DYRK1A: variants seen among roughly 807,000 people sequenced by gnomAD.
DYRK1A encodes the protein dual specificity tyrosine phosphorylation regulated kinase 1A.
A neutral mutation model predicts 79.7 loss-of-function variants in DYRK1A; 9 were observed. The ratio of observed to expected loss-of-function variants is 0.11; its 90% CI spans 0.07 to 0.20. The LOEUF is 0.20. DYRK1A is among the 10% of genes least tolerant of loss of function. The pLI is 1.00. For missense variants in DYRK1A, 622 were observed against 956.0 expected (o/e 0.65, Z 4.61); for synonymous variants, 349 against 329.7 (o/e 1.06, Z -0.63).
intron 2 of DYRK1A, among the ~76,000 whole-genome samples, chr21:37,444,215 G>A (rs1251856452): frequency 6.6e-6 from 1 of 152,202 alleles, no homozygotes; most frequent in Non-Finnish European, 1.5e-5. Context: ...AAGACCTGGA[G>A]AGGATTTGTC....
Position 37,469,143 on chromosome 21 carries a change from G to A in DYRK1A, c.11-3541G>A, listed in dbSNP as rs115455966. 2.1e-3 allele frequency among the ~76,000 whole-genome samples: 322 copies of A among 152,312 alleles called. 1 individual carries two copies. The highest frequency in any genetic ancestry group is 7.4e-3 in the African/African-American group (306 of 41,566). On this transcript the variant is annotated intron_variant, in intron 2 of 11. Transcript: ENST00000647188. ...CACAAATACACTTAGCATAATGGCT[G>A]AAATTAGACTGATGATTGCATGCCA... is the stretch of plus-strand genomic sequence containing the variant.
intron 4 of DYRK1A, among the ~76,000 whole-genome samples, chr21:37,480,335 T>C (rs1193996826): frequency 6.6e-6 from 1 of 152,186 alleles, no homozygotes; most frequent in Non-Finnish European, 1.5e-5. Flanking sequence ...ACTCTTAAGA[T>C]CTGTGCCACC....
In DYRK1A at chr21:37,519,883, T is replaced by A. The variant is rs8132089; in HGVS notation, c.*7352T>A. 0.23 allele frequency: 35,327 copies of A among 151,606 alleles called. 4,476 individuals are homozygous for A. The highest frequency in any genetic ancestry group is 0.33 in the African/African-American group (13,506 of 41,108). 9.4% of individuals were successfully genotyped at this position (151,606 alleles called of 1,614,324 possible). The stretch of plus-strand genomic sequence containing the variant: ...CAGCCTCCAGAGTAGCTGGGACTAC[T>A]GGCGCCCGCCACCACGCCCGGCTAA... On this transcript the variant is annotated 3_prime_UTR_variant, in exon 12 of 12. Transcript: ENST00000647188.
intron 2 of DYRK1A, chr21:37,430,503 T>C: frequency 2.6e-6 from 2 of 769,326 alleles, no homozygotes; most frequent in Non-Finnish European, 3.2e-6. Context: ...CGCAAATACC[T>C]GGGAACCCTT....
In DYRK1A at chr21:37,510,234, G is replaced by C. The variant is rs191299865; in HGVS notation, c.1645-1677G>C. ...TTTATAATTTTGATAACTATTGCCA[G>C]ATTGCCCCCCATGTGATTTTCTAAT... is the stretch of plus-strand genomic sequence containing the variant. On this transcript the variant is annotated intron_variant, in intron 11 of 11. Coordinates refer to ENST00000647188, the MANE Select transcript of DYRK1A (RefSeq NM_001347721.2). Among the ~76,000 whole-genome samples the C allele has an allele frequency of 2.0e-5, 3 of 152,328 alleles. No individual in the cohort carries two copies. In the East Asian group the frequency reaches 5.8e-4, roughly 29 times the overall value.
At chr21:37,483,298 C>T (rs946138398) in intron 5 of DYRK1A, among the ~76,000 whole-genome samples, 10 of 152,160 alleles carry the variant, frequency 6.6e-5, no homozygotes, top group Admixed American at 2.6e-4. Flanking sequence ...CTGGTCCCTC[C>T]GTTTGGGGTC....
intron 2 of DYRK1A, among the ~76,000 whole-genome samples, chr21:37,441,979 CAG>C (rs571897662): frequency 2.3e-4 from 31 of 134,464 alleles, no homozygotes; most frequent in East Asian, 1.5e-3. Context: ...TTTTTTTTGA[CAG>C]ATATTTTCAG....
chr21:37,417,309 G>A (rs1159864472), intron 1 of DYRK1A, among the ~76,000 whole-genome samples: 1 of 151,916 alleles, frequency 6.6e-6, no homozygotes, highest in Non-Finnish European at 1.5e-5. Flanking sequence ...TTCTGCCTCA[G>A]CCTCCTGAGT....
At chr21:37,404,518 C>G (rs2050113843) in intron 1 of DYRK1A, among the ~76,000 whole-genome samples, 2 of 152,158 alleles carry the variant, frequency 1.3e-5, no homozygotes, top group Admixed American at 6.5e-5. Flanking sequence ...GTGCACCTCC[C>G]TTCTCTCTGG....
At chr21:37,486,122 G>A (rs1008290504) in intron 5 of DYRK1A, 1 of 155,702 alleles carries the variant, frequency 6.4e-6, no homozygotes, top group Non-Finnish European at 1.4e-5. Context: ...TAGTAAGAAA[G>A]ATAAAAAAAC....
At chr21:37,378,800 A>G (rs373167343) in intron 1 of DYRK1A, among the ~76,000 whole-genome samples, 2 of 152,322 alleles carry the variant, frequency 1.3e-5, no homozygotes, top group South Asian at 2.1e-4. Context: ...AGATAAGACC[A>G]TGGCCGTTAA....
At chr21:37,466,735 A>G (rs1003395029) in intron 2 of DYRK1A, among the ~76,000 whole-genome samples, 5 of 152,168 alleles carry the variant, frequency 3.3e-5, no homozygotes, top group African/African-American at 1.2e-4. Context: ...ATCCAGTATA[A>G]CACTTTAAGT....
At position 37,525,284 on chromosome 21, in the gene DYRK1A, G is replaced by A. The variant is rs1394178207; in HGVS notation, c.*12753G>A. ...TTTAATGGACTCACAGTCCCGCATG[G>A]TTGGGGAGGCCTCACAATCGTTGTG... is the stretch of plus-strand genomic sequence containing the variant. On this transcript the variant is annotated 3_prime_UTR_variant, in exon 12 of 12. Transcript: ENST00000647188. 2.6e-5 allele frequency: 4 copies of A among 152,296 alleles called. No individual in the cohort carries two copies. The highest frequency in any genetic ancestry group is 1.5e-5 in the Non-Finnish European group (1 of 68,090). 9.4% of individuals were successfully genotyped at this position (152,296 alleles called of 1,614,324 possible).
intron 1 of DYRK1A, among the ~76,000 whole-genome samples, chr21:37,399,684 C>T (rs1029890822): frequency 2.6e-5 from 4 of 152,044 alleles, no homozygotes; most frequent in African/African-American, 9.7e-5. Context: ...GCATGAGAGG[C>T]GTGGAGAGTT....
At chr21:37,400,368 A>C (rs1454503310) in intron 1 of DYRK1A, among the ~76,000 whole-genome samples, 2 of 152,136 alleles carry the variant, frequency 1.3e-5, no homozygotes, top group African/African-American at 4.8e-5. Flanking sequence ...ACAGTGTAGG[A>C]TGTAGATATC....
intron 1 of DYRK1A, among the ~76,000 whole-genome samples, chr21:37,374,692 A>C (rs13052071): frequency 0.16 from 23,559 of 151,990 alleles, 1,934 homozygotes; most frequent in Middle Eastern, 0.18. Flanking sequence ...AGCTGGGACC[A>C]CAGGCGCCTG....
At chr21:37,448,967 G>C (rs1331942655) in intron 2 of DYRK1A, among the ~76,000 whole-genome samples, 1 of 152,142 alleles carries the variant, frequency 6.6e-6, no homozygotes, top group Non-Finnish European at 1.5e-5. Context: ...CAAAATGTTG[G>C]GATTACAGGT....
Position 37,369,296 on chromosome 21 carries a change from G to C in DYRK1A, c.-77+1668G>C, listed in dbSNP as rs77971858. Among the ~76,000 whole-genome samples the C allele has an allele frequency of 4.9e-3, 740 of 152,228 alleles. 4 individuals carry two copies. Among genetic ancestry groups the C allele is most frequent in the African/African-American group, 0.016 (684 of 41,554 alleles). ...TGATCAGTTACTTTAGGATAATATT[G>C]TTTTCAAGTAGACTTTTAAAAATGT... On this transcript the variant is annotated intron_variant, in intron 1 of 11. Coordinates refer to ENST00000647188, the MANE Select transcript of DYRK1A (RefSeq NM_001347721.2).
At chr21:37,427,094 G>C (rs2050646997) in intron 2 of DYRK1A, among the ~76,000 whole-genome samples, 1 of 152,124 alleles carries the variant, frequency 6.6e-6, no homozygotes, top group Non-Finnish European at 1.5e-5. Context: ...TATAACTCAA[G>C]AAAATTTGTT....
Sources: gnomAD v4.1 joint callset for allele counts (sites outside exome capture counted in the v4.1 genomes callset) on GRCh38, gnomAD v4.1.1 for gene constraint, MANE v1.5 for transcripts, NCBI Gene and HGNC (gene_info 2026-07-23, HGNC 2026-07-21) for gene names.